MITF: variants seen among roughly 807,000 people sequenced by gnomAD.
The protein encoded by MITF is melanocyte inducing transcription factor.
Under a neutral mutation model 60.5 loss-of-function variants are expected in MITF, and 17 were observed. That is an observed-to-expected ratio of 0.28 (90% CI 0.19 to 0.42). The LOEUF is 0.42. Among genes scored for constraint, MITF ranks in the 10% least tolerant of loss-of-function variants. The probability of loss-of-function intolerance (pLI) is 1.00; values close to 1 mark genes in which losing one functional copy is unlikely to be tolerated. For synonymous variants in MITF, 260 were observed against 248.5 expected (o/e 1.05, Z -0.43); for missense variants, 622 against 683.5 (o/e 0.91, Z 1.00).
At chr3:69,961,588 G>T (rs2066549227) in intron 9 of MITF, among the ~76,000 whole-genome samples, 1 of 150,810 alleles carries the variant, frequency 6.6e-6, no homozygotes, top group African/African-American at 2.4e-5. Context: ...AGAAAAATTA[G>T]CTGGGCATGG....
intron 5 of MITF, among the ~76,000 whole-genome samples, chr3:69,948,476 G>C (rs1212424900): frequency 6.6e-6 from 1 of 150,920 alleles, no homozygotes; most frequent in Non-Finnish European, 1.5e-5. Context: ...TCCCTCTTGT[G>C]GCTTTGTGGA....
chr3:69,744,212 A>G (rs1458115244), intron 1 of MITF, among the ~76,000 whole-genome samples: 3 of 152,240 alleles, frequency 2.0e-5, no homozygotes, highest in South Asian at 2.1e-4. Flanking sequence ...GGCCGCTGCC[A>G]TTTCTTGGAG....
chr3:69,796,160 T>C (rs1003961246), intron 1 of MITF, among the ~76,000 whole-genome samples: 8 of 152,156 alleles, frequency 5.3e-5, no homozygotes, highest in Admixed American at 3.9e-4. Context: ...TTTGTATTTT[T>C]AGTAAAGACA....
intron 1 of MITF, among the ~76,000 whole-genome samples, chr3:69,793,423 A>G (rs1275977410): frequency 1.7e-5 from 2 of 120,192 alleles, no homozygotes. Flanking sequence ...TTTAGGTCAT[A>G]TAGCTCTTTG....
rs574743493 is a variant in MITF at position 69,912,348 on chromosome 3, G to GT, written c.355-25466dup. On this transcript the variant is annotated intron_variant, in intron 2 of 9. Transcript: ENST00000352241. ...CAAAGCAAACATGGTAATATTTTTG[G>GT]TTTTTTTTCATTCTGGGAGACAGAA... 4.0e-5 allele frequency among the ~76,000 whole-genome samples: 6 copies of GT among 151,830 alleles called. No individual in the cohort carries two copies. In the South Asian group the frequency reaches 6.3e-4, roughly 16 times the overall value.
intron 1 of MITF, among the ~76,000 whole-genome samples, chr3:69,873,756 A>T (rs1237383589): frequency 1.3e-5 from 2 of 152,218 alleles, no homozygotes; most frequent in African/African-American, 2.4e-5. Flanking sequence ...GTATGGGTTC[A>T]TGTTCCAGCT....
At position 69,929,085 on chromosome 3, in the gene MITF, C is replaced by T. The variant is rs138857477; in HGVS notation, c.355-8737C>T. Among the ~76,000 whole-genome samples, 62 of 152,332 alleles carry T rather than the reference C, an allele frequency of 4.1e-4. 1 individual carries two copies. The East Asian group carries it at 9.1e-3, about 22-fold the overall frequency. On this transcript the variant is annotated intron_variant, in intron 2 of 9. Transcript: ENST00000352241. Reference sequence around the variant, plus strand: ...TTAGGAAGACTGAGGGACTGTCACACTTCATTTCCTCAGGACGTTTCCAGA... The same window carrying T: ...TTAGGAAGACTGAGGGACTGTCACATTTCATTTCCTCAGGACGTTTCCAGA...
chr3:69,919,774 T>C (rs1449563092), intron 2 of MITF, among the ~76,000 whole-genome samples: 1 of 151,974 alleles, frequency 6.6e-6, no homozygotes, highest in Non-Finnish European at 1.5e-5. Context: ...GAAATAACTT[T>C]TCAAAATGTA....
chr3:69,865,024 A>G (rs2064085591), intron 1 of MITF, among the ~76,000 whole-genome samples: 1 of 151,942 alleles, frequency 6.6e-6, no homozygotes, highest in Non-Finnish European at 1.5e-5. Context: ...TAGACTGTAA[A>G]CTCCACGAAT....
intron 1 of MITF, among the ~76,000 whole-genome samples, chr3:69,759,827 G>T (rs2062185138): frequency 6.6e-6 from 1 of 152,136 alleles, no homozygotes; most frequent in Non-Finnish European, 1.5e-5. Flanking sequence ...GTCCAGGCTG[G>T]AGTGCAGTGG....
At chr3:69,831,901 C>G (rs1301071062) in intron 1 of MITF, among the ~76,000 whole-genome samples, 3 of 152,036 alleles carry the variant, frequency 2.0e-5, no homozygotes, top group African/African-American at 4.8e-5. Context: ...TGGAACGGTG[C>G]CCGAGGGAGT....
chr3:69,842,682 G>C (rs1050290819), intron 1 of MITF, among the ~76,000 whole-genome samples: 1 of 152,084 alleles, frequency 6.6e-6, no homozygotes, highest in African/African-American at 2.4e-5. Flanking sequence ...AAATTCTTGG[G>C]GGATATGCTC....
intron 1 of MITF, among the ~76,000 whole-genome samples, chr3:69,761,364 T>C (rs2062209741): frequency 6.6e-6 from 1 of 152,292 alleles, no homozygotes; most frequent in African/African-American, 2.4e-5. Context: ...TGAAGAAACT[T>C]GTGCTTGTCT....
intron 1 of MITF, among the ~76,000 whole-genome samples, chr3:69,864,767 T>G (rs1481723340): frequency 6.6e-6 from 1 of 152,024 alleles, no homozygotes; most frequent in Non-Finnish European, 1.5e-5. Flanking sequence ...TCCTTCATAC[T>G]ATGTCCTTCA....
At chr3:69,898,849 A>C (rs143734060) in intron 2 of MITF, among the ~76,000 whole-genome samples, 13 of 152,272 alleles carry the variant, frequency 8.5e-5, no homozygotes, top group Non-Finnish European at 1.9e-4. Flanking sequence ...AGGAAATGGA[A>C]ACAAGCATTT....
intron 1 of MITF, among the ~76,000 whole-genome samples, chr3:69,862,653 A>T (rs2064037510): frequency 6.6e-6 from 1 of 152,212 alleles, no homozygotes. Context: ...CAAAGCAGTG[A>T]TTGAATTTTT....
intron 5 of MITF, among the ~76,000 whole-genome samples, chr3:69,948,305 C>A (rs995543423): frequency 6.6e-6 from 1 of 152,080 alleles, no homozygotes; most frequent in Non-Finnish European, 1.5e-5. Flanking sequence ...AATGCACATA[C>A]ACAACCAAAG....
intron 1 of MITF, among the ~76,000 whole-genome samples, chr3:69,777,547 C>T (rs1235637957): frequency 6.6e-5 from 10 of 152,078 alleles, no homozygotes; most frequent in Admixed American, 6.5e-4. Context: ...TCCTGAAGTC[C>T]TCTGTGTTTT....
intron 1 of MITF, among the ~76,000 whole-genome samples, chr3:69,798,189 G>A (rs1328497690): frequency 6.6e-6 from 1 of 152,184 alleles, no homozygotes; most frequent in African/African-American, 2.4e-5. Flanking sequence ...AAGCCCAGTT[G>A]ATAGAAATGT....
Sources: gnomAD v4.1 joint callset for allele counts (sites outside exome capture counted in the v4.1 genomes callset) on GRCh38, gnomAD v4.1.1 for gene constraint, MANE v1.5 for transcripts, NCBI Gene and HGNC (gene_info 2026-07-23, HGNC 2026-07-21) for gene names.